The following ITPR1 variants were observed in gnomAD, a reference collection of about 807,000 sequenced individuals.
ITPR1 encodes inositol 1,4,5-trisphosphate-gated calcium channel ITPR1.
Under a neutral mutation model 318.4 loss-of-function variants are expected in ITPR1, and 96 were observed. The observed-to-expected ratio is 0.30, with a 90% confidence interval of 0.26 to 0.36. The LOEUF (loss-of-function observed/expected upper bound fraction) is 0.36, where lower values mean the gene tolerates loss of function less well. ITPR1 is among the 10% of genes least tolerant of loss of function. ITPR1 has a pLI of 1.00. For synonymous variants in ITPR1, 1,312 were observed against 1,289.9 expected (o/e 1.02, Z -0.37); for missense variants, 2,440 against 3,460.2 (o/e 0.71, Z 7.40).
intron 61 of ITPR1, among the ~76,000 whole-genome samples, chr3:4,842,484 C>G (rs1293182754): frequency 6.6e-6 from 1 of 152,172 alleles, no homozygotes; most frequent in East Asian, 1.9e-4. Context: ...TCTCCTGCTT[C>G]AGGCCCCCAA....
At chr3:4,682,535 A>T (rs184980044) in intron 26 of ITPR1, among the ~76,000 whole-genome samples, 1 of 152,328 alleles carries the variant, frequency 6.6e-6, no homozygotes, top group East Asian at 1.9e-4. Context: ...CTTAATATAA[A>T]ACCTGTGAAA....
At position 4,523,841 on chromosome 3, in the gene ITPR1, A is replaced by T. The variant is rs2082755970; in HGVS notation, c.163+2747A>T. On this transcript the variant is annotated intron_variant, in intron 4 of 61. Transcript: ENST00000649015. ...AGACATGTTTTTCTGGCACGACTGT[A>T]AAGGTGCCTGGTGCTTGGATGTATG... Among the ~76,000 whole-genome samples the T allele has an allele frequency of 2.0e-5, 3 of 152,192 alleles. No homozygotes were observed. The South Asian group carries it at 6.2e-4, about 32-fold the overall frequency.
chr3:4,744,823 T>G (rs1163262564), intron 44 of ITPR1, among the ~76,000 whole-genome samples: 1 of 152,170 alleles, frequency 6.6e-6, no homozygotes, highest in Non-Finnish European at 1.5e-5. Flanking sequence ...GGCCACTTAC[T>G]CAGCTAATAA....
intron 4 of ITPR1, among the ~76,000 whole-genome samples, chr3:4,538,249 A>G (rs1420804802): frequency 6.6e-6 from 1 of 152,234 alleles, no homozygotes; most frequent in African/African-American, 2.4e-5. Context: ...ACATGAACAG[A>G]CACTTCTCAA....
intron 4 of ITPR1, among the ~76,000 whole-genome samples, chr3:4,567,878 A>G (rs184809012): frequency 3.3e-4 from 51 of 152,298 alleles, no homozygotes; most frequent in African/African-American, 1.2e-3. Context: ...TGTGGGGGTT[A>G]CAGGTGTGAG....
At chr3:4,726,341 T>TAAAA (rs11294154) in intron 41 of ITPR1, among the ~76,000 whole-genome samples, 38,317 of 145,902 alleles carry the variant, frequency 0.26, 6,082 homozygotes, top group Middle Eastern at 0.41. Context: ...ATGATGCAGT[T>TAAAA]AAAAAAAAAA....
chr3:4,841,919 C>T (rs568173583), intron 61 of ITPR1, among the ~76,000 whole-genome samples: 2 of 152,360 alleles, frequency 1.3e-5, no homozygotes, highest in African/African-American at 4.8e-5. Context: ...TCATTCTGAA[C>T]ATGACTGATT....
chr3:4,752,196 A>G (rs953117160), intron 44 of ITPR1, among the ~76,000 whole-genome samples: 12 of 152,234 alleles, frequency 7.9e-5, no homozygotes, highest in African/African-American at 2.4e-4. Flanking sequence ...TGCCCTCACC[A>G]TATGGTATTT....
intron 55 of ITPR1, among the ~76,000 whole-genome samples, chr3:4,810,103 T>C (rs920210407): frequency 2.0e-5 from 3 of 152,270 alleles, no homozygotes; most frequent in Admixed American, 6.5e-5. Flanking sequence ...ATTTTACAGA[T>C]GAGGAAACAG....
chr3:4,623,165 G>A (rs1163692485), intron 4 of ITPR1, among the ~76,000 whole-genome samples: 1 of 152,184 alleles, frequency 6.6e-6, no homozygotes, highest in Non-Finnish European at 1.5e-5. Flanking sequence ...CACAAGTCCT[G>A]ATTTGATAGT....
At chr3:4,747,226 G>A (rs1035682614) in intron 44 of ITPR1, among the ~76,000 whole-genome samples, 23 of 152,134 alleles carry the variant, frequency 1.5e-4, no homozygotes, top group African/African-American at 4.6e-4. Flanking sequence ...CTAGCCAGGC[G>A]CCCTCACTGC....
In ITPR1 at chr3:4,705,596, G is replaced by C. The variant is rs73112424; in HGVS notation, c.4658-571G>C. On this transcript the variant is annotated intron_variant, in intron 36 of 61. Coordinates refer to ENST00000649015, the MANE Select transcript of ITPR1 (RefSeq NM_001378452.1). ...GACAGTCTTGACAAGTACTAGTCAG[G>C]AGTCCTGTAGAGTGTCTCCCATTAT... Among the ~76,000 whole-genome samples, 1,146 of 152,284 alleles carry C rather than the reference G, an allele frequency of 7.5e-3. 14 individuals are homozygous for C. The highest frequency in any genetic ancestry group is 0.026 in the African/African-American group (1,091 of 41,542).
chr3:4,651,317 A>T (rs1229848640), intron 10 of ITPR1, among the ~76,000 whole-genome samples: 1 of 152,138 alleles, frequency 6.6e-6, no homozygotes, highest in Non-Finnish European at 1.5e-5. Flanking sequence ...TTCTGTATGC[A>T]TTAGTACCCC....
chr3:4,651,836 A>G (rs931582860), intron 10 of ITPR1, among the ~76,000 whole-genome samples: 2 of 152,192 alleles, frequency 1.3e-5, no homozygotes, highest in African/African-American at 4.8e-5. Flanking sequence ...TAAATTTCAG[A>G]ATCTGCTACT....
chr3:4,721,953 T>A (rs2042194529), intron 40 of ITPR1, among the ~76,000 whole-genome samples: 1 of 152,344 alleles, frequency 6.6e-6, no homozygotes, highest in South Asian at 2.1e-4. Flanking sequence ...TATAATTTCT[T>A]TCATTTGTAG....
chr3:4,552,636 G>A (rs2085681145), intron 4 of ITPR1, among the ~76,000 whole-genome samples: 3 of 152,186 alleles, frequency 2.0e-5, no homozygotes, highest in Admixed American at 2.0e-4. Context: ...TCTGAAGCTG[G>A]TCCTTTTGGG....
Position 4,667,471 on chromosome 3 carries a change from G to A in ITPR1, c.1808G>A (p.Arg603Gln), listed in dbSNP as rs1314164927. Reference sequence around the variant, plus strand: ...ATCACTGCCCTGCTCCACAATAATCGGAAACTCCTGGAAAAACACATTACC... The same window carrying A: ...ATCACTGCCCTGCTCCACAATAATCAGAAACTCCTGGAAAAACACATTACC... ...DTITALLHNN[R>Q]KLLEKHITAA... Residue 603 changes from arginine to glutamine, a missense_variant, in exon 18 of 62, where the codon CGG becomes CAG. Physicochemically the swap from Arg to Gln is conservative, Grantham distance 43 (BLOSUM62 1). Around this residue, in one of 23 missense-constraint regions of ITPR1, gnomAD observed 478 missense variants for 696.3 expected, o/e 0.69. Coordinates refer to ENST00000649015, the MANE Select transcript of ITPR1 (RefSeq NM_001378452.1). 4 of 1,613,422 alleles carry A rather than the reference G, an allele frequency of 2.5e-6. No individual in the cohort carries two copies. The highest frequency in any genetic ancestry group is 1.7e-5 in the Admixed American group (1 of 59,964).
chr3:4,646,281 G>C (rs1415179464), intron 10 of ITPR1, among the ~76,000 whole-genome samples: 2 of 152,244 alleles, frequency 1.3e-5, no homozygotes, highest in Non-Finnish European at 2.9e-5. Context: ...GTTTCAGTGA[G>C]AGAGGGTGAA....
chr3:4,626,919 A>G (rs942764902), intron 4 of ITPR1, among the ~76,000 whole-genome samples: 34 of 152,074 alleles, frequency 2.2e-4, no homozygotes, highest in African/African-American at 7.7e-4. Flanking sequence ...CCCAGTTTCA[A>G]GCGATTCTTG....
Sources: allele counts gnomAD v4.1 joint callset (sites outside exome capture counted in the v4.1 genomes callset), GRCh38; gene constraint gnomAD v4.1.1; regional missense constraint gnomAD v4.1.1; transcripts MANE v1.5; gene names NCBI Gene and HGNC (gene_info 2026-07-23, HGNC 2026-07-21).